ZNF385D: variants seen among roughly 807,000 people sequenced by gnomAD.
ZNF385D encodes the protein zinc finger protein 659.
A neutral mutation model predicts 35.8 loss-of-function variants in ZNF385D; 15 were observed. That is an observed-to-expected ratio of 0.42 (90% CI 0.28 to 0.64). The LOEUF (loss-of-function observed/expected upper bound fraction) is 0.64. Among genes scored for constraint, ZNF385D ranks in the 30% least tolerant of loss-of-function variants. The pLI, the probability that ZNF385D is intolerant of heterozygous loss-of-function variation, is 0.23. For missense variants in ZNF385D, 474 were observed against 494.6 expected (o/e 0.96, Z 0.39); for synonymous variants, 212 against 186.8 (o/e 1.13, Z -1.10).
chr3:21,420,671 A>G lies in ZNF385D; in HGVS notation c.*543T>C, dbSNP rs1233482344. The G allele has an allele frequency of 1.3e-5, 2 of 152,862 alleles. No homozygotes were observed. The highest frequency in any genetic ancestry group is 2.9e-5 in the Non-Finnish European group (2 of 68,508). 9.5% of individuals were successfully genotyped at this position (152,862 alleles called of 1,614,324 possible). A position where few individuals can be genotyped will look rare whatever the true frequency, so the allele number is the denominator to read the frequency against. On this transcript the variant is annotated 3_prime_UTR_variant, in exon 8 of 8. Transcript: ENST00000281523. ...GATTGAGACACAGCACTATTGTTTTACAAGACATCTACTGTATCTACTTTT... is the reference window on the plus strand; with the variant it reads ...GATTGAGACACAGCACTATTGTTTTGCAAGACATCTACTGTATCTACTTTT...
intron 3 of ZNF385D, among the ~76,000 whole-genome samples, chr3:21,913,000 A>C (rs1700032493): frequency 6.6e-6 from 1 of 152,122 alleles, no homozygotes; most frequent in South Asian, 2.1e-4. Flanking sequence ...TTTTAAAAGC[A>C]AATTTTTACT....
chr3:21,814,725 A>G (rs145134405), intron 3 of ZNF385D, among the ~76,000 whole-genome samples: 2,986 of 152,292 alleles, frequency 0.02, 48 homozygotes, highest in Non-Finnish European at 0.029. Flanking sequence ...CTCCCACAAA[A>G]TAATAATGGG....
upstream of ZNF385D, among the ~76,000 whole-genome samples, chr3:21,755,759 T>C (rs549200481): frequency 1.3e-5 from 2 of 151,974 alleles, no homozygotes; most frequent in East Asian, 3.9e-4. Context: ...AAATTCATTA[T>C]TTATCTATGA....
intron 2 of ZNF385D, among the ~76,000 whole-genome samples, chr3:22,264,334 G>A (rs575274051): frequency 6.6e-6 from 1 of 152,134 alleles, no homozygotes; most frequent in East Asian, 1.9e-4. Context: ...GGTCAAGACA[G>A]ATGGGTCTTA....
chr3:22,257,944 A>C (rs1700399675), intron 2 of ZNF385D, among the ~76,000 whole-genome samples: 1 of 151,880 alleles, frequency 6.6e-6, no homozygotes, highest in Admixed American at 6.6e-5. Flanking sequence ...TTAATCTTAC[A>C]ATCTCAACTA....
chr3:21,507,992 A>G (rs1706907861), intron 4 of ZNF385D, among the ~76,000 whole-genome samples: 1 of 152,114 alleles, frequency 6.6e-6, no homozygotes. Context: ...CTCAACCTAT[A>G]TAACTTGCTT....
intron 3 of ZNF385D, among the ~76,000 whole-genome samples, chr3:21,982,735 C>T (rs1015732791): frequency 2.0e-5 from 3 of 151,780 alleles, no homozygotes; most frequent in African/African-American, 7.3e-5. Context: ...ATAGATGGCT[C>T]TTATTATTTT....
intron 1 of ZNF385D, among the ~76,000 whole-genome samples, chr3:21,734,727 A>C (rs80311619): frequency 6.6e-6 from 1 of 152,040 alleles, no homozygotes; most frequent in East Asian, 1.9e-4. Context: ...AGAAATTTGG[A>C]CCCCACGTGT....
At chr3:21,806,009 T>C (rs1185559829) in intron 3 of ZNF385D, among the ~76,000 whole-genome samples, 2 of 152,132 alleles carry the variant, frequency 1.3e-5, no homozygotes, top group Non-Finnish European at 2.9e-5. Flanking sequence ...AAAAGGATAT[T>C]TGAATAAACA....
chr3:21,836,868 C>G (rs1388723868), intron 3 of ZNF385D, among the ~76,000 whole-genome samples: 5 of 152,022 alleles, frequency 3.3e-5, no homozygotes, highest in African/African-American at 1.2e-4. Flanking sequence ...GCTTAAATAT[C>G]TTAGAATGGT....
At chr3:21,773,361 A>G (rs544475911) in intron 3 of ZNF385D, among the ~76,000 whole-genome samples, 1 of 151,970 alleles carries the variant, frequency 6.6e-6, no homozygotes, top group South Asian at 2.1e-4. Flanking sequence ...TTTGCCCATG[A>G]AAGATTTTAT....
At chr3:22,124,014 G>T (rs1244948015) in intron 3 of ZNF385D, among the ~76,000 whole-genome samples, 3 of 140,078 alleles carry the variant, frequency 2.1e-5, no homozygotes, top group Admixed American at 1.5e-4. Context: ...ATCCTGTTGT[G>T]CAAGCAACTG....
At chr3:21,994,319 C>T (rs114203246) in intron 3 of ZNF385D, among the ~76,000 whole-genome samples, 362 of 152,250 alleles carry the variant, frequency 2.4e-3, no homozygotes, top group Admixed American at 6.2e-3. Flanking sequence ...AAGTGTTAAT[C>T]CTGGAAAGTT....
At chr3:21,609,045 T>A (rs721623) in intron 2 of ZNF385D, among the ~76,000 whole-genome samples, 1 of 152,012 alleles carries the variant, frequency 6.6e-6, no homozygotes, top group Non-Finnish European at 1.5e-5. Context: ...TATCAAGCAC[T>A]TTCATGAGGA....
chr3:21,813,606 T>C (rs999762866), intron 3 of ZNF385D, among the ~76,000 whole-genome samples: 4 of 152,036 alleles, frequency 2.6e-5, no homozygotes, highest in African/African-American at 4.8e-5. Context: ...GTATCGATGA[T>C]TGAAGATCAA....
chr3:22,012,882 C>CA (rs1696665245), intron 3 of ZNF385D, among the ~76,000 whole-genome samples: 1 of 152,064 alleles, frequency 6.6e-6, no homozygotes, highest in Non-Finnish European at 1.5e-5. Flanking sequence ...TTGAGTTTCT[C>CA]AATTAAGTAA....
At chr3:21,802,319 T>C (rs1199617474) in intron 3 of ZNF385D, among the ~76,000 whole-genome samples, 4 of 152,184 alleles carry the variant, frequency 2.6e-5, no homozygotes. Flanking sequence ...ATTTCTTTGA[T>C]AAATCCAAAT....
At chr3:22,005,321 C>G (rs534344538) in intron 3 of ZNF385D, among the ~76,000 whole-genome samples, 1 of 151,874 alleles carries the variant, frequency 6.6e-6, no homozygotes, top group South Asian at 2.1e-4. Flanking sequence ...AAAGGGGACT[C>G]CTATACACTG....
At chr3:21,814,989 G>C (rs929671295) in intron 3 of ZNF385D, among the ~76,000 whole-genome samples, 1 of 152,202 alleles carries the variant, frequency 6.6e-6, no homozygotes, top group Non-Finnish European at 1.5e-5. Flanking sequence ...CTGTCTCTCA[G>C]ACCACAGTGT....
Sources: gnomAD v4.1 joint callset for allele counts (sites outside exome capture counted in the v4.1 genomes callset) on GRCh38, gnomAD v4.1.1 for gene constraint, MANE v1.5 for transcripts, NCBI Gene and HGNC (gene_info 2026-07-23, HGNC 2026-07-21) for gene names.